Variants in CDIN1 observed in about 807,000 individuals in gnomAD.
CDIN1 encodes the protein CDAN1-interacting nuclease 1.
In CDIN1, 33 loss-of-function variants were observed where a neutral mutation model predicts 45.3. That is an observed-to-expected ratio of 0.73 (90% CI 0.55 to 0.97). The LOEUF (loss-of-function observed/expected upper bound fraction) is 0.97. CDIN1 is among the 50% of genes least tolerant of loss of function. CDIN1 has a pLI of 0.00. For synonymous variants in CDIN1, 118 were observed against 124.4 expected, an observed-to-expected ratio of 0.95 and a Z score of 0.34; for missense variants, 303 against 339.4, an observed-to-expected ratio of 0.89 and a Z score of 0.84.
Position 36,774,163 on chromosome 15 carries a change from T to TGTGC in CDIN1, c.717-34160_717-34159insTGCG, listed in dbSNP as rs149222188. On this transcript the variant is annotated intron_variant, in intron 10 of 10. Coordinates refer to ENST00000566621, the MANE Select transcript of CDIN1 (RefSeq NM_001321759.2). ...GTGTGTGTGTGTGTGTGTGTGTGTG[T>TGTGC]GCGCGCGCGCGCATGCATGAGGGGA... Among the ~76,000 whole-genome samples the TGTGC allele has an allele frequency of 3.1e-3, 438 of 143,140 alleles. 1 individual carries two copies. Among genetic ancestry groups the TGTGC allele is most frequent in the African/African-American group, 0.011 (419 of 37,732 alleles). 93.9% of individuals were successfully genotyped at this position (143,140 alleles called of 152,430 possible). A position where few individuals can be genotyped will look rare whatever the true frequency, so the allele number is the denominator to read the frequency against.
chr15:36,680,665 C>T (rs574106393), intron 5 of CDIN1, among the ~76,000 whole-genome samples: 6 of 152,060 alleles, frequency 3.9e-5, no homozygotes, highest in Admixed American at 2.6e-4. Context: ...AACTAAGAGC[C>T]GGAATTGAGC....
At chr15:36,707,868 T>TTA (rs1470207281) in intron 8 of CDIN1, 7 of 152,172 alleles carry the variant, frequency 4.6e-5, no homozygotes, top group Non-Finnish European at 8.8e-5. Flanking sequence ...ATTCTCTTGT[T>TTA]TTTAAAGTCA....
At chr15:36,685,379 G>T (rs1270981590) in intron 5 of CDIN1, among the ~76,000 whole-genome samples, 2 of 151,682 alleles carry the variant, frequency 1.3e-5, no homozygotes, top group South Asian at 2.1e-4. Context: ...TTTCCATGTA[G>T]TTGAGCGGTT....
At chr15:36,640,807 T>A in intron 1 of CDIN1, 1 of 268,064 alleles carries the variant, frequency 3.7e-6, no homozygotes, top group Non-Finnish European at 5.7e-6. Flanking sequence ...TTACCGAGTA[T>A]CTTAGCTGGG....
At chr15:36,594,769 G>A (rs766070573) in intron 1 of CDIN1, 1 of 238,692 alleles carries the variant, frequency 4.2e-6, no homozygotes, top group Non-Finnish European at 6.8e-6. Context: ...GACTGGAGGT[G>A]TATTGGTGCC....
intron 5 of CDIN1, among the ~76,000 whole-genome samples, chr15:36,658,583 A>G (rs1041014797): frequency 1.3e-5 from 2 of 152,176 alleles, no homozygotes; most frequent in African/African-American, 2.4e-5. Context: ...CAACTGCCCC[A>G]TAAATATTTG....
At chr15:36,583,812 C>G (rs994692430) in intron 1 of CDIN1, among the ~76,000 whole-genome samples, 2 of 152,104 alleles carry the variant, frequency 1.3e-5, no homozygotes, top group Non-Finnish European at 2.9e-5. Context: ...GTCAGGAGAT[C>G]GAGACCATCC....
At chr15:36,794,242 G>A (rs2054730606) in intron 10 of CDIN1, among the ~76,000 whole-genome samples, 2 of 151,854 alleles carry the variant, frequency 1.3e-5, no homozygotes, top group Admixed American at 6.6e-5. Context: ...TGTATTTTTA[G>A]TAGAGACGGG....
chr15:36,710,100 T>G, intron 10 of CDIN1, 139 bp downstream of exon 10: 1 of 529,876 alleles, frequency 1.9e-6, no homozygotes, highest in South Asian at 4.4e-5. Flanking sequence ...ATGTATTCAT[T>G]TCAGATAATT....
intron 8 of CDIN1, among the ~76,000 whole-genome samples, chr15:36,701,098 GTAGATAGATAGATAGA>G (rs1427734437): frequency 7.0e-6 from 1 of 143,166 alleles, no homozygotes; most frequent in African/African-American, 2.6e-5. Context: ...AGGTAGGTAG[GTAGATAGATAGATAGA>G]TAGGTAGGTA....
chr15:36,690,325 G>A (rs1231499640), intron 5 of CDIN1, among the ~76,000 whole-genome samples: 1 of 151,150 alleles, frequency 6.6e-6, no homozygotes, highest in East Asian at 1.9e-4. Flanking sequence ...CTGGAGTGCA[G>A]TGGCTCGATC....
chr15:36,756,538 A>G (rs1167742186), intron 10 of CDIN1, among the ~76,000 whole-genome samples: 1 of 152,238 alleles, frequency 6.6e-6, no homozygotes, highest in Non-Finnish European at 1.5e-5. Flanking sequence ...TAATGAAAGT[A>G]GATAGTACAA....
At chr15:36,749,347 G>A (rs1009937733) in intron 10 of CDIN1, among the ~76,000 whole-genome samples, 6 of 152,308 alleles carry the variant, frequency 3.9e-5, no homozygotes, top group Non-Finnish European at 5.9e-5. Flanking sequence ...CAATGTGTTT[G>A]TATTGCTCTG....
intron 10 of CDIN1, among the ~76,000 whole-genome samples, chr15:36,760,361 G>T (rs1478915919): frequency 1.3e-5 from 2 of 152,154 alleles, no homozygotes; most frequent in Non-Finnish European, 2.9e-5. Flanking sequence ...TGTGACTTTT[G>T]TGATAATTCT....
intron 1 of CDIN1, among the ~76,000 whole-genome samples, chr15:36,611,065 A>G (rs1471657649): frequency 6.6e-6 from 1 of 152,248 alleles, no homozygotes; most frequent in Non-Finnish European, 1.5e-5. Context: ...AATTATCTGC[A>G]TAACATTCTG....
intron 8 of CDIN1, chr15:36,705,124 T>TA (rs572220928): frequency 5.4e-4 from 83 of 152,312 alleles, no homozygotes; most frequent in Non-Finnish European, 1.0e-3. Flanking sequence ...AATTTCTTTT[T>TA]AAAAAATGCC....
chr15:36,692,800 G>A (rs905723065), intron 7 of CDIN1, among the ~76,000 whole-genome samples: 2 of 152,126 alleles, frequency 1.3e-5, no homozygotes, highest in Admixed American at 6.5e-5. Flanking sequence ...TTACTAAAGA[G>A]TTAATGTTCA....
chr15:36,634,945 G>T (rs2039834881), intron 1 of CDIN1, among the ~76,000 whole-genome samples: 1 of 152,134 alleles, frequency 6.6e-6, no homozygotes, highest in South Asian at 2.1e-4. Context: ...GGAGGACTAT[G>T]TTTTTAATTT....
chr15:36,634,424 A>G (rs948176865), intron 1 of CDIN1, among the ~76,000 whole-genome samples: 2 of 151,992 alleles, frequency 1.3e-5, no homozygotes, highest in Non-Finnish European at 2.9e-5. Flanking sequence ...CTCCGTCTCA[A>G]CAACAACAAC....
Sources: gnomAD v4.1 joint callset for allele counts (sites outside exome capture counted in the v4.1 genomes callset) on GRCh38, gnomAD v4.1.1 for gene constraint, MANE v1.5 for transcripts, NCBI Gene and HGNC (gene_info 2026-07-23, HGNC 2026-07-21) for gene names.